RAD51B: variants seen among roughly 807,000 people sequenced by gnomAD.
The protein encoded by RAD51B is DNA repair protein RAD51 homolog 2.
RAD51B carries 38 observed loss-of-function variants against 42.2 expected under a neutral mutation model. That is an observed-to-expected ratio of 0.90 (90% CI 0.70 to 1.18). The LOEUF is 1.18. RAD51B is among the 50% of genes most tolerant of loss of function. The pLI is 0.00. For synonymous variants in RAD51B, 154 were observed against 145.2 expected (o/e 1.06, Z -0.43); for missense variants, 373 against 400.7 (o/e 0.93, Z 0.59).
intron 11 of RAD51B, among the ~76,000 whole-genome samples, chr14:68,659,528 T>C (rs1892890823): frequency 1.3e-5 from 2 of 152,216 alleles, no homozygotes; most frequent in African/African-American, 4.8e-5. Context: ...CTTTGAAATC[T>C]GGGCCTGCAG....
chr14:68,294,732 T>C (rs1286847622), intron 8 of RAD51B, among the ~76,000 whole-genome samples: 1 of 152,248 alleles, frequency 6.6e-6, no homozygotes, highest in Non-Finnish European at 1.5e-5. Flanking sequence ...GTAGGAAGAA[T>C]GGCCGTGTTG....
At chr14:68,033,879 T>C (rs1386045544) in intron 7 of RAD51B, among the ~76,000 whole-genome samples, 1 of 152,230 alleles carries the variant, frequency 6.6e-6, no homozygotes, top group Non-Finnish European at 1.5e-5. Flanking sequence ...ATGCATTTTC[T>C]TCAAGTTTAT....
intron 3 of RAD51B, 133 bp from the exon 4 acceptor site, chr14:67,834,947 T>C: frequency 1.5e-6 from 1 of 658,716 alleles, no homozygotes; most frequent in Non-Finnish European, 2.6e-6. Context: ...TAAATATTTG[T>C]TGAACAAATA....
At chr14:68,614,780 T>C (rs1396089568), downstream of RAD51B, among the ~76,000 whole-genome samples, 1 of 152,250 alleles carries the variant, frequency 6.6e-6, no homozygotes, top group Non-Finnish European at 1.5e-5. Flanking sequence ...ACATTTGAGT[T>C]GTTTCCACTT....
rs116251151 is a variant in RAD51B at position 68,073,055 on chromosome 14, T to C, written c.756+185851T>C. Among the ~76,000 whole-genome samples the C allele has an allele frequency of 3.0e-3, 452 of 152,322 alleles. 2 individuals are homozygous for C. The highest frequency in any genetic ancestry group is 0.01 in the African/African-American group (434 of 41,568). Reference sequence around the variant, plus strand: ...TTAGATGTATGTTTAGTGTATTTGGTCAACTGTCAAGTTTAAGTCTCCAAT... The same window carrying C: ...TTAGATGTATGTTTAGTGTATTTGGCCAACTGTCAAGTTTAAGTCTCCAAT... On this transcript the variant is annotated intron_variant, in intron 7 of 10. Coordinates refer to ENST00000471583, the MANE Select transcript of RAD51B (RefSeq NM_133510.4).
intron 10 of RAD51B, among the ~76,000 whole-genome samples, chr14:68,573,971 A>AGTGTGTGT (rs1555427935): frequency 2.5e-5 from 2 of 81,354 alleles, no homozygotes; most frequent in African/African-American, 5.1e-5. Flanking sequence ...TGTGGGTGTC[A>AGTGTGTGT]GTGTGTGTAT....
intron 8 of RAD51B, among the ~76,000 whole-genome samples, chr14:68,331,496 GC>G (rs1461619911): frequency 6.7e-6 from 1 of 150,350 alleles, no homozygotes; most frequent in Non-Finnish European, 1.5e-5. Context: ...TACTAGTTGG[GC>G]CATTTTGTTG....
At chr14:68,395,122 T>C (rs1312954815) in intron 8 of RAD51B, among the ~76,000 whole-genome samples, 2 of 152,126 alleles carry the variant, frequency 1.3e-5, no homozygotes, top group African/African-American at 4.8e-5. Flanking sequence ...CTCTGGACAA[T>C]GTTGCTTTTT....
At chr14:67,824,138 C>G (rs77173134) in intron 2 of RAD51B, among the ~76,000 whole-genome samples, 3,443 of 152,346 alleles carry the variant, frequency 0.023, 59 homozygotes, top group East Asian at 0.052. Flanking sequence ...GCTGCCCCAG[C>G]TGATCTTGAA....
intron 5 of RAD51B, among the ~76,000 whole-genome samples, chr14:67,866,982 A>G (rs1039143118): frequency 5.3e-5 from 8 of 152,164 alleles, no homozygotes; most frequent in Non-Finnish European, 1.0e-4. Flanking sequence ...TTTATATTGT[A>G]TTTGGTTTTT....
At chr14:67,843,419 A>G (rs2041502724) in intron 4 of RAD51B, 1 of 151,812 alleles carries the variant, frequency 6.6e-6, no homozygotes. Flanking sequence ...GAACATTGTC[A>G]GTAGGAATGG....
At chr14:67,917,914 G>A (rs1316849679) in intron 7 of RAD51B, among the ~76,000 whole-genome samples, 1 of 152,136 alleles carries the variant, frequency 6.6e-6, no homozygotes, top group African/African-American at 2.4e-5. Flanking sequence ...TAAATATGGT[G>A]AATGTAAATT....
chr14:67,872,648 A>G (rs1013248380), intron 5 of RAD51B, among the ~76,000 whole-genome samples: 5 of 152,010 alleles, frequency 3.3e-5, no homozygotes, highest in African/African-American at 1.2e-4. Context: ...CTGAGCCAAA[A>G]GAACAAGGCT....
intron 10 of RAD51B, among the ~76,000 whole-genome samples, chr14:68,499,038 T>C (rs1884739476): frequency 6.6e-6 from 1 of 152,106 alleles, no homozygotes; most frequent in South Asian, 2.1e-4. Context: ...TGTGCCCCCT[T>C]TTCAGTGAGT....
chr14:68,447,991 A>G (rs1204242938), intron 9 of RAD51B, among the ~76,000 whole-genome samples: 2 of 152,230 alleles, frequency 1.3e-5, no homozygotes, highest in African/African-American at 2.4e-5. Context: ...AAAAGCAAAG[A>G]TGAATAAAAC....
intron 7 of RAD51B, among the ~76,000 whole-genome samples, chr14:68,194,804 T>A (rs1255005201): frequency 6.6e-6 from 1 of 152,228 alleles, no homozygotes; most frequent in Non-Finnish European, 1.5e-5. Context: ...TTTTATAGTA[T>A]GATTATAATG....
Position 68,130,892 on chromosome 14 carries a change from TTG to T in RAD51B, c.757-160976_757-160975del, listed in dbSNP as rs531162923. On this transcript the variant is annotated intron_variant, in intron 7 of 10. Coordinates refer to ENST00000471583, the MANE Select transcript of RAD51B (RefSeq NM_133510.4). ...TGACTTTGTGTGTGTGGGTGTGTGTTTGTGTGTGTGTGTGTGTCTTTTATTTA... is the reference window on the plus strand; with the variant it reads ...TGACTTTGTGTGTGTGGGTGTGTGTTTGTGTGTGTGTGTGTCTTTTATTTA... Among the ~76,000 whole-genome samples the T allele has an allele frequency of 3.1e-4, 47 of 151,068 alleles. 1 individual carries two copies. Among genetic ancestry groups the T allele is most frequent in the Admixed American group, 2.8e-3 (43 of 15,138 alleles).
chr14:67,892,731 A>G (rs1172734298), intron 7 of RAD51B, among the ~76,000 whole-genome samples: 1 of 152,238 alleles, frequency 6.6e-6, no homozygotes, highest in Non-Finnish European at 1.5e-5. Context: ...ACTACAATCT[A>G]AATAGCTGAG....
rs572283408 is a variant in RAD51B at position 68,469,856 on chromosome 14, C to T, written c.1036+1606C>T. 2.0e-5 allele frequency among the ~76,000 whole-genome samples: 3 copies of T among 152,312 alleles called. No homozygotes were observed. The South Asian group carries it at 6.2e-4, about 32-fold the overall frequency. On this transcript the variant is annotated intron_variant, in intron 10 of 10. Coordinates refer to ENST00000471583, the MANE Select transcript of RAD51B (RefSeq NM_133510.4). ...GTGTGAAGAGGCTTGATGTGATACA[C>T]GCACCCTGATCACTAGGCATTTTGT...
Sources: gnomAD v4.1 joint callset for allele counts (sites outside exome capture counted in the v4.1 genomes callset) on GRCh38, gnomAD v4.1.1 for gene constraint, MANE v1.5 for transcripts, NCBI Gene and HGNC (gene_info 2026-07-23, HGNC 2026-07-21) for gene names.